Variants in PCSK2 observed in about 807,000 individuals in gnomAD.
PCSK2 encodes the protein neuroendocrine convertase 2.
A neutral mutation model predicts 69.7 loss-of-function variants in PCSK2; 14 were observed. The observed-to-expected ratio is 0.20, with a 90% CI of 0.13 to 0.31. PCSK2 has a LOEUF of 0.31. Among genes scored for constraint, PCSK2 ranks in the 10% least tolerant of loss-of-function variants. The pLI, the probability that PCSK2 is intolerant of heterozygous loss-of-function variation, is 1.00. For synonymous variants in PCSK2, 307 were observed against 320.7 expected, an observed-to-expected ratio of 0.96 and a Z score of 0.46; for missense variants, 544 against 842.5, an observed-to-expected ratio of 0.65 and a Z score of 4.39.
At chr20:17,465,271 C>G (rs779302832) in intron 10 of PCSK2, 55 bp from the exon 11 acceptor site, 7 of 1,209,946 alleles carry the variant, frequency 5.8e-6, no homozygotes, top group Non-Finnish European at 8.5e-6. Flanking sequence ...GCCTCTCTCC[C>G]TCTCTCACCC....
chr20:17,443,727 C>G (rs1568652709), intron 8 of PCSK2, among the ~76,000 whole-genome samples: 1 of 152,166 alleles, frequency 6.6e-6, no homozygotes, highest in Non-Finnish European at 1.5e-5. Context: ...CCTCTCGAAG[C>G]AGGATATTTC....
chr20:17,336,734 A>G (rs1466098295), intron 2 of PCSK2, among the ~76,000 whole-genome samples: 1 of 152,190 alleles, frequency 6.6e-6, no homozygotes, highest in Non-Finnish European at 1.5e-5. Context: ...CCCCTGTGGC[A>G]CTAAGTAGCA....
intron 5 of PCSK2, among the ~76,000 whole-genome samples, chr20:17,391,330 A>G (rs1197719447): frequency 6.6e-6 from 1 of 152,198 alleles, no homozygotes; most frequent in Non-Finnish European, 1.5e-5. Context: ...TGACATCAAC[A>G]TGGCCTTATT....
intron 8 of PCSK2, among the ~76,000 whole-genome samples, chr20:17,439,417 C>T (rs947933696): frequency 6.6e-6 from 1 of 152,100 alleles, no homozygotes; most frequent in Admixed American, 6.5e-5. Context: ...CCACTGCACC[C>T]GGCCTCTTCC....
At chr20:17,481,388 CAAAAAAAAAAA>C (rs3076146) in intron 11 of PCSK2, among the ~76,000 whole-genome samples, 185 bp from the exon 12 acceptor site, 44 of 65,690 alleles carry the variant, frequency 6.7e-4, no homozygotes, top group African/African-American at 7.6e-4. Flanking sequence ...TCTCAAAAGA[CAAAAAAAAAAA>C]AAAAAAAAAA....
chr20:17,406,657 C>T (rs1032217226), intron 5 of PCSK2, among the ~76,000 whole-genome samples: 1 of 152,186 alleles, frequency 6.6e-6, no homozygotes, highest in African/African-American at 2.4e-5. Flanking sequence ...CCAACAGCCT[C>T]ACTCAGACAG....
chr20:17,340,819 T>G (rs1363670637), intron 2 of PCSK2, among the ~76,000 whole-genome samples: 1 of 152,210 alleles, frequency 6.6e-6, no homozygotes, highest in Non-Finnish European at 1.5e-5. Flanking sequence ...TTACTTATTT[T>G]TAAATGAGAT....
chr20:17,401,372 C>A (rs548271348), intron 5 of PCSK2, among the ~76,000 whole-genome samples: 166 of 152,230 alleles, frequency 1.1e-3, no homozygotes, highest in African/African-American at 3.9e-3. Context: ...GGACTTCCTG[C>A]CACATCTTCA....
intron 2 of PCSK2, among the ~76,000 whole-genome samples, chr20:17,293,967 T>A (rs2123071417): frequency 6.6e-6 from 1 of 152,308 alleles, no homozygotes; most frequent in African/African-American, 2.4e-5. Context: ...GGTTTCAATT[T>A]CTTTTAAGCT....
intron 2 of PCSK2, among the ~76,000 whole-genome samples, chr20:17,301,399 G>T (rs1183244263): frequency 6.6e-6 from 1 of 152,164 alleles, no homozygotes; most frequent in Admixed American, 6.5e-5. Flanking sequence ...AACTGTGAGA[G>T]TAAAAAAGCA....
At chr20:17,410,945 C>T (rs1419209914) in intron 6 of PCSK2, among the ~76,000 whole-genome samples, 2 of 152,192 alleles carry the variant, frequency 1.3e-5, no homozygotes, top group Admixed American at 1.3e-4. Flanking sequence ...CTTTCTGTAA[C>T]TAGTAGGTAC....
At chr20:17,402,116 G>T (rs1388564342) in intron 5 of PCSK2, among the ~76,000 whole-genome samples, 1 of 152,144 alleles carries the variant, frequency 6.6e-6, no homozygotes, top group African/African-American at 2.4e-5. Context: ...GTCTGCCTCG[G>T]CTGTTACTTA....
chr20:17,413,565 G>T (rs960504579), intron 6 of PCSK2, among the ~76,000 whole-genome samples: 2 of 151,966 alleles, frequency 1.3e-5, no homozygotes, highest in East Asian at 1.9e-4. Flanking sequence ...GAGACTTAGA[G>T]TCCCACACAA....
chr20:17,239,785 C>G (rs138915239), intron 1 of PCSK2, among the ~76,000 whole-genome samples: 2 of 149,266 alleles, frequency 1.3e-5, no homozygotes, highest in East Asian at 3.9e-4. Flanking sequence ...TTCAATCTTA[C>G]TGGCCTAAGA....
chr20:17,456,250 G>T (rs2021789), intron 9 of PCSK2, 98 bp from the exon 10 acceptor site: 1 of 692,306 alleles, frequency 1.4e-6, no homozygotes, highest in South Asian at 1.8e-5. Flanking sequence ...ATAAATAAAT[G>T]AATAAATAAA....
At chr20:17,452,664 G>A (rs1388807799) in intron 8 of PCSK2, among the ~76,000 whole-genome samples, 1 of 152,226 alleles carries the variant, frequency 6.6e-6, no homozygotes, top group African/African-American at 2.4e-5. Context: ...GCTGTGGAGT[G>A]GCTGGAGGTT....
At chr20:17,386,812 C>T (rs1036141147) in intron 5 of PCSK2, among the ~76,000 whole-genome samples, 8 of 152,114 alleles carry the variant, frequency 5.3e-5, no homozygotes, top group African/African-American at 1.4e-4. Flanking sequence ...ATGAATACAT[C>T]GTTTTTTAAA....
chr20:17,470,066 T>C (rs2033174337), intron 11 of PCSK2, among the ~76,000 whole-genome samples: 1 of 152,134 alleles, frequency 6.6e-6, no homozygotes, highest in Middle Eastern at 3.2e-3. Flanking sequence ...ACTGTCCAAA[T>C]GGGGGATTTA....
intron 5 of PCSK2, among the ~76,000 whole-genome samples, chr20:17,391,946 A>G (rs2031390113): frequency 6.8e-6 from 1 of 146,078 alleles, no homozygotes; most frequent in Non-Finnish European, 1.5e-5. Flanking sequence ...GGAAGGAAGG[A>G]AGGGGAAGGG....
Sources: allele counts gnomAD v4.1 joint callset (sites outside exome capture counted in the v4.1 genomes callset), GRCh38; gene constraint gnomAD v4.1.1; transcripts MANE v1.5; gene names NCBI Gene and HGNC (gene_info 2026-07-23, HGNC 2026-07-21).